Variants in PSMG2 observed in about 807,000 individuals in gnomAD.
The protein encoded by PSMG2 is proteasome assembly chaperone 2.
PSMG2 carries 21 observed loss-of-function variants against 31.5 expected under a neutral mutation model. The observed-to-expected ratio is 0.67, with a 90% confidence interval of 0.47 to 0.96. The LOEUF is 0.96. Among genes scored for constraint, PSMG2 ranks in the 40% least tolerant of loss-of-function variants. The pLI is 0.00. For missense variants in PSMG2, 318 were observed against 321.2 expected, an observed-to-expected ratio of 0.99 and a Z score of 0.08; for synonymous variants, 120 against 110.4, an observed-to-expected ratio of 1.09 and a Z score of -0.54.
chr18:12,689,952 C>G (rs1362439033), intron 1 of PSMG2, among the ~76,000 whole-genome samples: 1 of 152,152 alleles, frequency 6.6e-6, no homozygotes, highest in Non-Finnish European at 1.5e-5. Context: ...CCAAGCCTGG[C>G]TAATTTTTGT....
chr18:12,678,184 T>A (rs1037424736), intron 1 of PSMG2: 8 of 1,614,202 alleles, frequency 5.0e-6, no homozygotes, highest in Non-Finnish European at 6.8e-6. Context: ...CAATTGTGGA[T>A]GCACACAGAG....
rs561420724 is a variant in PSMG2, at chr18:12,665,655, C to G, written c.-37+6882C>G. 2.6e-3 allele frequency among the ~76,000 whole-genome samples: 393 copies of G among 152,250 alleles called. 1 individual carries two copies. The highest frequency in any genetic ancestry group is 9.1e-3 in the African/African-American group (377 of 41,552). On this transcript the variant is annotated intron_variant, in intron 1 of 6. Transcript: ENST00000585331. ...AAAACATGACATCCCAGAGCTTAAC[C>G]TAAATTTATAAGAGAATGTTTTAAA...
chr18:12,723,482 G>A (rs1276263806), intron 5 of PSMG2, among the ~76,000 whole-genome samples: 1 of 151,990 alleles, frequency 6.6e-6, no homozygotes. Context: ...TTGCGACAGA[G>A]TCTTGCTCTG....
At chr18:12,709,430 G>T (rs985882885) in intron 2 of PSMG2, among the ~76,000 whole-genome samples, 15 of 151,860 alleles carry the variant, frequency 9.9e-5, no homozygotes, top group Non-Finnish European at 1.8e-4. Context: ...GGGTTCAAGA[G>T]ATGCTCCTGC....
chr18:12,675,623 CA>C (rs1020410034), intron 1 of PSMG2, among the ~76,000 whole-genome samples: 3 of 152,094 alleles, frequency 2.0e-5, no homozygotes, highest in African/African-American at 4.8e-5. Flanking sequence ...GAGCTTAAAA[CA>C]TATTTCTATG....
chr18:12,678,784 C>T (rs35082337), intron 1 of PSMG2, among the ~76,000 whole-genome samples: 13,567 of 151,780 alleles, frequency 0.089, 843 homozygotes, highest in Non-Finnish European at 0.13. Context: ...GGTGAAACCC[C>T]GTCTCTGCTA....
Position 12,722,570 on chromosome 18 carries a change from T to G in PSMG2, c.581+1887T>G, listed in dbSNP as rs79006835. ...GAACAGCTTCTGGTTAGCTATAAGCTTGCCCACAAAGTTAGCGGTGATAAA... is the reference window on the plus strand; with the variant it reads ...GAACAGCTTCTGGTTAGCTATAAGCGTGCCCACAAAGTTAGCGGTGATAAA... On this transcript the variant is annotated intron_variant, in intron 5 of 6. Transcript: ENST00000317615. Among the ~76,000 whole-genome samples the G allele has an allele frequency of 9.4e-3, 1,426 of 152,316 alleles. 30 individuals are homozygous for G. The highest frequency in any genetic ancestry group is 0.033 in the African/African-American group (1,377 of 41,570).
chr18:12,684,064 G>A (rs566048970), intron 1 of PSMG2, among the ~76,000 whole-genome samples: 4 of 149,944 alleles, frequency 2.7e-5, no homozygotes, highest in East Asian at 3.9e-4. Context: ...TTGCTCTGTC[G>A]TCCAGTTTGG....
At chr18:12,707,640 G>C (rs1294483560) in intron 2 of PSMG2, among the ~76,000 whole-genome samples, 2 of 152,180 alleles carry the variant, frequency 1.3e-5, no homozygotes, top group Non-Finnish European at 2.9e-5. Flanking sequence ...ACAGCACCAG[G>C]TGAGTAAGAG....
At chr18:12,716,027 C>G (rs2040373036) in intron 3 of PSMG2, among the ~76,000 whole-genome samples, 1 of 152,212 alleles carries the variant, frequency 6.6e-6, no homozygotes, top group Non-Finnish European at 1.5e-5. Flanking sequence ...AGCTTCCTTT[C>G]TTAACATTCC....
upstream of PSMG2, among the ~76,000 whole-genome samples, chr18:12,702,056 G>A (rs886794164): frequency 6.6e-6 from 1 of 152,192 alleles, no homozygotes; most frequent in Admixed American, 6.5e-5. Context: ...AACCTGGGAG[G>A]CGGAGGTTGC....
At chr18:12,725,298 A>G (rs1282251413) in intron 6 of PSMG2, 141 bp from the exon 7 acceptor site, 1 of 563,304 alleles carries the variant, frequency 1.8e-6, no homozygotes, top group Non-Finnish European at 3.0e-6. Flanking sequence ...AGACAAAGAA[A>G]CTTTATTTTT....
At chr18:12,713,849 G>A (rs1186844351) in intron 3 of PSMG2, among the ~76,000 whole-genome samples, 4 of 151,236 alleles carry the variant, frequency 2.6e-5, no homozygotes, top group African/African-American at 7.3e-5. Flanking sequence ...AGCCTCTGCC[G>A]TCCTGGGTTC....
intron 5 of PSMG2, among the ~76,000 whole-genome samples, chr18:12,721,172 C>T (rs9955874): frequency 0.019 from 2,831 of 151,924 alleles, 94 homozygotes; most frequent in African/African-American, 0.065. Context: ...AGCAAGACTC[C>T]GTCTCAAAAA....
chr18:12,710,546 A>T (rs1369986327), intron 2 of PSMG2, among the ~76,000 whole-genome samples: 1 of 151,756 alleles, frequency 6.6e-6, no homozygotes, highest in African/African-American at 2.4e-5. Context: ...CTTTTTTTTC[A>T]TCACAAACCG....
chr18:12,717,777 G>A (rs1011315303), intron 3 of PSMG2, among the ~76,000 whole-genome samples: 8 of 152,192 alleles, frequency 5.3e-5, no homozygotes, highest in Middle Eastern at 3.4e-3. Flanking sequence ...TGACTCCTTT[G>A]AGGAACCGGG....
chr18:12,702,469 G>C (rs1345846454), upstream of PSMG2: 5 of 1,590,960 alleles, frequency 3.1e-6, no homozygotes, highest in Non-Finnish European at 4.3e-6. Context: ...GTCTCTCCCA[G>C]CACCCGCGAC....
At chr18:12,679,012 T>G (rs1452886407) in intron 1 of PSMG2, 1 of 152,136 alleles carries the variant, frequency 6.6e-6, no homozygotes, top group Non-Finnish European at 1.5e-5. Context: ...TATGCATTTT[T>G]AGGCACAACT....
At chr18:12,702,629 T>C, upstream of PSMG2, 2 of 1,466,088 alleles carry the variant, frequency 1.4e-6, no homozygotes, top group Non-Finnish European at 1.8e-6. Flanking sequence ...CAGGGAGCGT[T>C]AGGAGCGACT....
Sources: gnomAD v4.1 joint callset for allele counts (sites outside exome capture counted in the v4.1 genomes callset) on GRCh38, gnomAD v4.1.1 for gene constraint, MANE v1.5 for transcripts, NCBI Gene and HGNC (gene_info 2026-07-23, HGNC 2026-07-21) for gene names.